MAP3K10: variants seen among roughly 807,000 people sequenced by gnomAD.
MAP3K10 encodes the protein mitogen-activated protein kinase kinase kinase 10.
Under a neutral mutation model 75.0 loss-of-function variants are expected in MAP3K10, and 22 were observed. The observed-to-expected ratio is 0.29, with a 90% CI of 0.21 to 0.42. The LOEUF (loss-of-function observed/expected upper bound fraction) is 0.42, where lower values mean the gene tolerates loss of function less well. Ranked by LOEUF, MAP3K10 falls within the 10% of genes least tolerant of loss-of-function variation. MAP3K10 has a pLI of 1.00. For missense variants in MAP3K10, 1,165 were observed against 1,379.8 expected (o/e 0.84, Z 2.47); for synonymous variants, 599 against 612.9 (o/e 0.98, Z 0.34).
At chr19:40,201,578 A>G (rs1314988816) in intron 2 of MAP3K10, among the ~76,000 whole-genome samples, 1 of 145,880 alleles carries the variant, frequency 6.9e-6, no homozygotes, top group Non-Finnish European at 1.5e-5. Flanking sequence ...TTGCAGCCTC[A>G]ACCTCCTGGG....
intron 2 of MAP3K10, among the ~76,000 whole-genome samples, chr19:40,203,857 G>A (rs1973069894): frequency 6.6e-6 from 1 of 152,224 alleles, no homozygotes; most frequent in African/African-American, 2.4e-5. Context: ...GACAGAGGGG[G>A]CAACCTGTGT....
In MAP3K10 at chr19:40,213,998, G is replaced by GCCCAGCCC; in HGVS notation, c.2322_2323insAGCCCCCC (p.Ser779HisfsTer46). 2.6e-6 allele frequency: 4 copies of GCCCAGCCC among 1,521,830 alleles called. No homozygotes were observed. Among genetic ancestry groups the GCCCAGCCC allele is most frequent in the East Asian group, 2.5e-5 (1 of 39,528 alleles). 94.3% of individuals were successfully genotyped at this position (1,521,830 alleles called of 1,614,324 possible). ...ACAGTGACGAGGCCGCACCGGCCGC[G>GCCCAGCCC]CCCTCCCCACCACCCTCCCCGCCCG... is the stretch of plus-strand genomic sequence containing the variant. On this transcript the variant is annotated frameshift_variant, in exon 9 of 10. Coordinates refer to ENST00000253055, the MANE Select transcript of MAP3K10 (RefSeq NM_002446.4). LOFTEE classifies it high-confidence loss of function. The surrounding 1 kb of genome is among the most constrained non-coding windows in gnomAD (Gnocchi z 5.7).
rs761005261 is a variant in MAP3K10 at position 40,213,928 on chromosome 19, C to G, written c.2249C>G (p.Ser750Trp). The G allele has an allele frequency of 1.3e-6, 2 of 1,525,416 alleles. No individual in the cohort carries two copies. The highest frequency in any genetic ancestry group is 8.7e-7 in the Non-Finnish European group (1 of 1,144,232). 94.5% of individuals were successfully genotyped at this position (1,525,416 alleles called of 1,614,324 possible). A position where few individuals can be genotyped will look rare whatever the true frequency, so the allele number is the denominator to read the frequency against. ...LAPSATLVSL[S>W]SVSDCNSTRS... The stretch of plus-strand genomic sequence containing the variant: ...CCCTCGGCCACCCTCGTGTCGCTGT[C>G]GTCCGTGTCCGACTGCAACTCCACG... The change falls in exon 9 of 10, where the codon TCG becomes TGG. Residue 750 changes from serine to tryptophan, a missense_variant. This residue lies in a region of MAP3K10 where 590 missense variants were observed against 586.6 expected (regional missense o/e 1.01). Transcript: ENST00000253055. The surrounding 1 kb of genome is among the most constrained non-coding windows in gnomAD (Gnocchi z 5.7).
chr19:40,193,850 TCA>T (rs1972859371), intron 1 of MAP3K10, among the ~76,000 whole-genome samples: 1 of 152,286 alleles, frequency 6.6e-6, no homozygotes. Flanking sequence ...CTCACGTCAC[TCA>T]CAGTTAAGCC....
At position 40,201,968 on chromosome 19, in the gene MAP3K10, T is replaced by C. The variant is rs111798576; in HGVS notation, c.864-2517T>C. Among the ~76,000 whole-genome samples, 1,071 of 150,886 alleles carry C rather than the reference T, an allele frequency of 7.1e-3. 15 individuals are homozygous for C. Among genetic ancestry groups the C allele is most frequent in the African/African-American group, 0.025 (1,009 of 41,114 alleles). ...TTGCCTAATGCTCTCCCTCCCCTTG[T>C]CCCCCACCCCCCAGGCTCCAGGTTT... On this transcript the variant is annotated intron_variant, in intron 2 of 9. Coordinates refer to ENST00000253055, the MANE Select transcript of MAP3K10 (RefSeq NM_002446.4).
intron 1 of MAP3K10, among the ~76,000 whole-genome samples, chr19:40,194,142 C>A (rs1256623353): frequency 6.6e-6 from 1 of 152,106 alleles, no homozygotes; most frequent in Non-Finnish European, 1.5e-5. Context: ...GGGTGCATCA[C>A]CCGAGGTCAG....
chr19:40,207,988 A>G (rs534050079), intron 5 of MAP3K10, among the ~76,000 whole-genome samples: 1 of 152,178 alleles, frequency 6.6e-6, no homozygotes, highest in East Asian at 1.9e-4. Context: ...TTGGCCTCCC[A>G]AAGTGCTGGG....
Position 40,204,222 on chromosome 19 carries a change from G to T in MAP3K10, c.864-263G>T, listed in dbSNP as rs1295379985. ...AAATAAAAATAAGAAAGATGGATTT[G>T]GCCAGTAGGAACACGGGACCTGAAG... On this transcript the variant is annotated intron_variant, in intron 2 of 9. Coordinates refer to ENST00000253055, the MANE Select transcript of MAP3K10 (RefSeq NM_002446.4). This position sits in a 1 kb window ranked among gnomAD's most constrained non-coding sequence, Gnocchi z 4.3. Among the ~76,000 whole-genome samples the T allele has an allele frequency of 6.6e-6, 1 of 152,202 alleles. No individual in the cohort carries two copies. The highest frequency in any genetic ancestry group is 2.4e-5 in the African/African-American group (1 of 41,446).
chr19:40,212,810 C>A lies in MAP3K10; in HGVS notation c.1558C>A (p.Pro520Thr), dbSNP rs1335451422. Residue 520 changes from proline to threonine, a missense_variant, in exon 7 of 10, where the codon CCC becomes ACC. Pro to Thr is a conservative substitution (Grantham distance 38). This residue lies in a region of MAP3K10 where 575 missense variants were observed against 793.2 expected (regional missense o/e 0.72). Coordinates refer to ENST00000253055, the MANE Select transcript of MAP3K10 (RefSeq NM_002446.4). The surrounding 1 kb of genome is among the most constrained non-coding windows in gnomAD (Gnocchi z 4.2). ...IPRLRAIRLT[P>T]VDCGGSSSGS... ...AGTGGCTTCTCTGGACCCAGTGACTCCCGTGGACTGTGGTGGCAGCAGCAG... is the reference window on the plus strand; with the variant it reads ...AGTGGCTTCTCTGGACCCAGTGACTACCGTGGACTGTGGTGGCAGCAGCAG... The A allele has an allele frequency of 1.3e-6, 2 of 1,589,258 alleles. No individual in the cohort carries two copies. The highest frequency in any genetic ancestry group is 1.7e-6 in the Non-Finnish European group (2 of 1,169,108).
chr19:40,205,463 A>T lies in MAP3K10; in HGVS notation c.1188+167A>T. 3 of 676,012 alleles carry T rather than the reference A, an allele frequency of 4.4e-6. No individual in the cohort carries two copies. The highest frequency in any genetic ancestry group is 5.9e-5 in the Admixed American group (2 of 34,078). 41.9% of individuals were successfully genotyped at this position (676,012 alleles called of 1,614,324 possible). A position where few individuals can be genotyped will look rare whatever the true frequency, so the allele number is the denominator to read the frequency against. ...GACAGCCTCCTGTTGGTGGATTAAT[A>T]AGAAAAAGGCACCCTGTACTGAAGT... On this transcript the variant is annotated intron_variant, in intron 4 of 9. Transcript: ENST00000253055. The surrounding 1 kb of genome is among the most constrained non-coding windows in gnomAD (Gnocchi z 4.3).
chr19:40,214,002 T>TGCCCCCCCCCCCCCCCCCCCC lies in MAP3K10; in HGVS notation c.2323_2324insGCCCCCCCCCCCCCCCCCCCC (p.Ser775delinsCysProProProProProProPro). 2.0e-6 allele frequency: 3 copies of TGCCCCCCCCCCCCCCCCCCCC among 1,493,650 alleles called. No individual in the cohort carries two copies. Among genetic ancestry groups the TGCCCCCCCCCCCCCCCCCCCC allele is most frequent in the Non-Finnish European group, 2.7e-6 (3 of 1,123,846 alleles). The allele number at this position is 1,493,650 out of a possible 1,614,324, so 92.5% of individuals were successfully genotyped here. ...TGACGAGGCCGCACCGGCCGCGCCC[T>TGCCCCCCCCCCCCCCCCCCCC]CCCCACCACCCTCCCCGCCCGCGCC... On this transcript the variant is annotated protein_altering_variant, in exon 9 of 10. Transcript: ENST00000253055.
intron 1 of MAP3K10, among the ~76,000 whole-genome samples, chr19:40,195,513 C>A (rs1972889682): frequency 4.9e-5 from 2 of 41,066 alleles, no homozygotes; most frequent in Admixed American, 5.0e-4. Context: ...TTTTTTGAGA[C>A]AGAGTCATCT....
rs577342592 is a variant in MAP3K10, at chr19:40,201,930, G to A, written c.864-2555G>A. ...CCATCATCTAGGTTTGAAGCCCCGC[G>A]TGTGTCAGGTATTTGCCTAATGCTC... On this transcript the variant is annotated intron_variant, in intron 2 of 9. Coordinates refer to ENST00000253055, the MANE Select transcript of MAP3K10 (RefSeq NM_002446.4). Among the ~76,000 whole-genome samples the A allele has an allele frequency of 2.5e-4, 38 of 151,646 alleles. No homozygotes were observed. The South Asian group carries it at 7.7e-3, about 31-fold the overall frequency.
At position 40,212,256 on chromosome 19, in the gene MAP3K10, G is replaced by C. The variant is rs1013027669; in HGVS notation, c.1553-549G>C. 5.3e-5 allele frequency among the ~76,000 whole-genome samples: 8 copies of C among 152,236 alleles called. No homozygotes were observed. Among genetic ancestry groups the C allele is most frequent in the African/African-American group, 1.7e-4 (7 of 41,546 alleles). On this transcript the variant is annotated intron_variant, in intron 6 of 9. Transcript: ENST00000253055. The surrounding 1 kb of genome is among the most constrained non-coding windows in gnomAD (Gnocchi z 4.2). ...ATCGGAGTTTCCTGGTGGGTTGAAG[G>C]GTGAAAGGCTAGCTCCCAAGTTCCA...
chr19:40,208,345 C>CGTTT (rs1973163066), intron 5 of MAP3K10, among the ~76,000 whole-genome samples: 1 of 55,904 alleles, frequency 1.8e-5, no homozygotes, highest in Non-Finnish European at 3.3e-5. Flanking sequence ...CTCTTTCTTT[C>CGTTT]TTTTTTTTTT....
Position 40,198,329 on chromosome 19 carries a change from C to T in MAP3K10, c.683-46C>T, listed in dbSNP as rs757600345. 36 of 1,557,862 alleles carry T rather than the reference C, an allele frequency of 2.3e-5. No homozygotes were observed. Among genetic ancestry groups the T allele is most frequent in the African/African-American group, 1.5e-4 (11 of 73,918 alleles). Reference sequence around the variant, plus strand: ...CAGCGGGCCAGAACACTTGGGTCTGCGGCGTGGCAGGTCTGGGGTGACCCA... The same window carrying T: ...CAGCGGGCCAGAACACTTGGGTCTGTGGCGTGGCAGGTCTGGGGTGACCCA... On this transcript the variant is annotated intron_variant, in intron 1 of 9. Coordinates refer to ENST00000253055, the MANE Select transcript of MAP3K10 (RefSeq NM_002446.4). The surrounding 1 kb of genome is among the most constrained non-coding windows in gnomAD (Gnocchi z 4.3).
At position 40,208,345 on chromosome 19, in the gene MAP3K10, CTTTTTT is replaced by C. The variant is rs747110243; in HGVS notation, c.1436-739_1436-734del. ...CGCCACCACGCCTGGCTCTTTCTTT[CTTTTTT>C]TTTTTTTTTTTTTTTTTTGTATTTT... On this transcript the variant is annotated intron_variant, in intron 5 of 9. Coordinates refer to ENST00000253055, the MANE Select transcript of MAP3K10 (RefSeq NM_002446.4). Among the ~76,000 whole-genome samples, 297 of 55,910 alleles carry C rather than the reference CTTTTTT, an allele frequency of 5.3e-3. 1 individual carries two copies. Among genetic ancestry groups the C allele is most frequent in the Non-Finnish European group, 7.8e-3 (233 of 29,868 alleles). The allele number at this position is 55,910 out of a possible 152,430, so 36.7% of individuals were successfully genotyped here. A position where few individuals can be genotyped will look rare whatever the true frequency, so the allele number is the denominator to read the frequency against.
chr19:40,215,410 G>A lies in MAP3K10; in HGVS notation c.*118G>A. ...GGCAGGATGTTCACTCTATTTATTG[G>A]GGAAGGAGGGAGGGGGGGGACACTT... On this transcript the variant is annotated 3_prime_UTR_variant, in exon 10 of 10. Coordinates refer to ENST00000253055, the MANE Select transcript of MAP3K10 (RefSeq NM_002446.4). The A allele has an allele frequency of 2.1e-6, 2 of 938,216 alleles. No individual in the cohort carries two copies. Among genetic ancestry groups the A allele is most frequent in the Admixed American group, 2.8e-5 (1 of 36,334 alleles). The allele number at this position is 938,216 out of a possible 1,614,324, so 58.1% of individuals were successfully genotyped here. A position where few individuals can be genotyped will look rare whatever the true frequency, so the allele number is the denominator to read the frequency against.
In MAP3K10 at chr19:40,205,329, G is replaced by A; in HGVS notation, c.1188+33G>A. 6.2e-7 allele frequency: 1 copy of A among 1,610,684 alleles called. No individual in the cohort carries two copies. The highest frequency in any genetic ancestry group is 8.5e-7 in the Non-Finnish European group (1 of 1,177,834). On this transcript the variant is annotated intron_variant, in intron 4 of 9. Transcript: ENST00000253055. The surrounding 1 kb of genome is among the most constrained non-coding windows in gnomAD (Gnocchi z 4.3). ...CAGGGGGCAAGGTGGGAAAGATGGA[G>A]CAAGACCCCTGAGTTCTGATGCCTT...
Sources: allele counts gnomAD v4.1 joint callset (sites outside exome capture counted in the v4.1 genomes callset), GRCh38; gene constraint gnomAD v4.1.1; regional missense constraint gnomAD v4.1.1; non-coding constraint Gnocchi (gnomAD v3.1); transcripts MANE v1.5; gene names NCBI Gene and HGNC (gene_info 2026-07-23, HGNC 2026-07-21).